The following CLK3 variants were observed in gnomAD, a reference collection of about 807,000 sequenced individuals.
The protein encoded by CLK3 is CDC like kinase 3.
A neutral mutation model predicts 65.2 loss-of-function variants in CLK3; 24 were observed. The observed-to-expected ratio is 0.37, with a 90% CI of 0.27 to 0.52. The LOEUF is 0.52. Ranked by LOEUF, CLK3 falls within the 20% of genes least tolerant of loss-of-function variation. The pLI, the probability that CLK3 is intolerant of heterozygous loss-of-function variation, is 0.92. For missense variants in CLK3, 506 were observed against 660.0 expected (o/e 0.77, Z 2.56); for synonymous variants, 252 against 240.8 (o/e 1.05, Z -0.43).
In CLK3 at chr15:74,615,837, G is replaced by A; in HGVS notation, c.-62G>A. 1 of 1,249,886 alleles carries A rather than the reference G, an allele frequency of 8.0e-7. No homozygotes were observed. The highest frequency in any genetic ancestry group is 1.0e-6 in the Non-Finnish European group (1 of 997,036). 77.4% of individuals were successfully genotyped at this position (1,249,886 alleles called of 1,614,324 possible). The stretch of plus-strand genomic sequence containing the variant: ...CTGCCACGGGCGGAGGTCGCAGCCG[G>A]AAGCGGAAGAGGCGCTCGGAGCGGG... On this transcript the variant is annotated 5_prime_UTR_variant, in exon 1 of 13. Coordinates refer to ENST00000395066, the MANE Select transcript of CLK3 (RefSeq NM_001130028.2).
chr15:74,622,441 C>T lies in CLK3; in HGVS notation c.467-53C>T. 1 of 1,379,342 alleles carries T rather than the reference C, an allele frequency of 7.2e-7. No homozygotes were observed. The highest frequency in any genetic ancestry group is 1.0e-6 in the Non-Finnish European group (1 of 987,298). The allele number at this position is 1,379,342 out of a possible 1,614,324, so 85.4% of individuals were successfully genotyped here. ...TTTGAATGCTGTGAACTTGCAGGAG[C>T]TGCCAACCCCCTGCCCTCCAGATTC... On this transcript the variant is annotated intron_variant, in intron 4 of 12. Transcript: ENST00000395066. The surrounding 1 kb of genome is among the most constrained non-coding windows in gnomAD (Gnocchi z 4.6).
intron 1 of CLK3, among the ~76,000 whole-genome samples, chr15:74,610,258 G>C (rs1216405190): frequency 6.6e-6 from 1 of 152,220 alleles, no homozygotes; most frequent in Non-Finnish European, 1.5e-5. Context: ...TGGTCTGCCT[G>C]TTCCCTGCCA....
chr15:74,614,904 A>G (rs562412335), upstream of CLK3: 123 of 152,568 alleles, frequency 8.1e-4, no homozygotes, highest in African/African-American at 2.9e-3. Flanking sequence ...CTGTCGCTTC[A>G]CTGCGCGACG....
chr15:74,616,001 T>C, intron 1 of CLK3, 103 bp downstream of exon 1: 2 of 898,564 alleles, frequency 2.2e-6, no homozygotes, highest in South Asian at 5.3e-5. Flanking sequence ...GCCTACTCCC[T>C]TTCTTTCTCC....
rs769055439 is a variant in CLK3, at chr15:74,621,483, G to C, written c.370-637G>C. On this transcript the variant is annotated intron_variant, in intron 3 of 12. Coordinates refer to ENST00000395066, the MANE Select transcript of CLK3 (RefSeq NM_001130028.2). The surrounding 1 kb of genome is among the most constrained non-coding windows in gnomAD (Gnocchi z 4.8). Reference sequence around the variant, plus strand: ...ACGGAAGGCTGTTTCTGGTAGTGATGGTGAAATCTGGCCAAGGATGCCGTC... The same window carrying C: ...ACGGAAGGCTGTTTCTGGTAGTGATCGTGAAATCTGGCCAAGGATGCCGTC... The C allele has an allele frequency of 2.4e-5, 4 of 165,162 alleles. No individual in the cohort carries two copies. Among genetic ancestry groups the C allele is most frequent in the Non-Finnish European group, 2.7e-5 (2 of 74,888 alleles). The allele number at this position is 165,162 out of a possible 1,614,324, so 10.2% of individuals were successfully genotyped here. A position where few individuals can be genotyped will look rare whatever the true frequency, so the allele number is the denominator to read the frequency against.
chr15:74,610,874 G>A (rs1022714104), upstream of CLK3, among the ~76,000 whole-genome samples: 23 of 152,218 alleles, frequency 1.5e-4, no homozygotes, highest in African/African-American at 3.4e-4. Context: ...GAAGGCTTGC[G>A]TAACTGGGCC....
rs1596288094 is a variant in CLK3, at chr15:74,621,519, T to C, written c.370-601T>C. The C allele has an allele frequency of 6.1e-6, 1 of 165,094 alleles. No homozygotes were observed. The highest frequency in any genetic ancestry group is 1.7e-4 in the East Asian group (1 of 5,920). 10.2% of individuals were successfully genotyped at this position (165,094 alleles called of 1,614,324 possible). On this transcript the variant is annotated intron_variant, in intron 3 of 12. Transcript: ENST00000395066. This position sits in a 1 kb window ranked among gnomAD's most constrained non-coding sequence, Gnocchi z 4.8. ...GCCAAGGATGCCGTCTGGAGGCAGG[T>C]AGCAGCTTGGCTGTGAGTGGCAGCT...
chr15:74,629,572 G>A (rs1486473356), intron 12 of CLK3, 135 bp from the exon 13 acceptor site: 7 of 640,168 alleles, frequency 1.1e-5, no homozygotes, highest in African/African-American at 3.7e-5. Context: ...GTCCAGGAGG[G>A]CGGAAGTAGA....
chr15:74,610,734 G>A (rs556228799), intron 1 of CLK3, among the ~76,000 whole-genome samples: 90 of 152,364 alleles, frequency 5.9e-4, no homozygotes, highest in Non-Finnish European at 1.1e-3. Flanking sequence ...GTGGAGGCCA[G>A]CAGGACTGCT....
upstream of CLK3, chr15:74,613,623 A>T (rs1334426746): frequency 2.0e-5 from 3 of 152,162 alleles, no homozygotes; most frequent in Non-Finnish European, 4.4e-5. Flanking sequence ...AGTGGTGGGC[A>T]GTTTTGTGGG....
rs1567143308 is a variant in CLK3, at chr15:74,621,749, G to GGAC, written c.370-369_370-368insCGA. 1 of 352,382 alleles carries GGAC rather than the reference G, an allele frequency of 2.8e-6. No homozygotes were observed. The highest frequency in any genetic ancestry group is 2.3e-5 in the African/African-American group (1 of 43,984). The allele number at this position is 352,382 out of a possible 1,614,324, so 21.8% of individuals were successfully genotyped here. On this transcript the variant is annotated intron_variant, in intron 3 of 12. Transcript: ENST00000395066. This position sits in a 1 kb window ranked among gnomAD's most constrained non-coding sequence, Gnocchi z 4.8. ...AGGGTCTGGGAGGGAGAGACTCGGA[G>GGAC]GAGGAGGAGGAGGGAGTCGGGGCGA...
rs1442182645 is a variant in CLK3, at chr15:74,615,918, C to CGCGGCGGCGACA, written c.-1+30_-1+41dup. 1.6e-6 allele frequency: 2 copies of CGCGGCGGCGACA among 1,243,170 alleles called. No homozygotes were observed. Among genetic ancestry groups the CGCGGCGGCGACA allele is most frequent in the Non-Finnish European group, 2.0e-6 (2 of 994,028 alleles). The allele number at this position is 1,243,170 out of a possible 1,614,324, so 77.0% of individuals were successfully genotyped here. A position where few individuals can be genotyped will look rare whatever the true frequency, so the allele number is the denominator to read the frequency against. On this transcript the variant is annotated intron_variant, in intron 1 of 12. Transcript: ENST00000395066. ...GAGACGGTAAGTGTGGGCTGGGGTC[C>CGCGGCGGCGACA]GCGGCGGCGACAGCGGCGGCGGCGG... is the stretch of plus-strand genomic sequence containing the variant.
upstream of CLK3, among the ~76,000 whole-genome samples, chr15:74,611,520 G>T (rs2061990151): frequency 6.6e-6 from 1 of 152,258 alleles, no homozygotes; most frequent in African/African-American, 2.4e-5. Context: ...TGCCAGCTCG[G>T]CCCTCTGCTG....
intron 12 of CLK3, chr15:74,629,308 CCT>C (rs141351759): frequency 0.012 from 6,812 of 557,334 alleles, 387 homozygotes; most frequent in African/African-American, 0.12. Flanking sequence ...GCTTCCTGTC[CCT>C]CTCTCTCCTC....
chr15:74,621,174 CTG>C lies in CLK3; in HGVS notation c.370-943_370-942del, dbSNP rs1039736762. On this transcript the variant is annotated intron_variant, in intron 3 of 12. Transcript: ENST00000395066. The surrounding 1 kb of genome is among the most constrained non-coding windows in gnomAD (Gnocchi z 4.8). Reference sequence around the variant, plus strand: ...TGAGTGGCTACAGGTTGAGGGTTGACTGTGCGGGCGATTGCAGCGTGGCCCTT... The same window carrying C: ...TGAGTGGCTACAGGTTGAGGGTTGACTGCGGGCGATTGCAGCGTGGCCCTT... The C allele has an allele frequency of 1.2e-4, 19 of 152,738 alleles. No homozygotes were observed. The highest frequency in any genetic ancestry group is 3.4e-4 in the African/African-American group (14 of 41,608). 9.5% of individuals were successfully genotyped at this position (152,738 alleles called of 1,614,324 possible).
chr15:74,616,130 C>T (rs1029770792), intron 1 of CLK3, among the ~76,000 whole-genome samples: 1 of 152,270 alleles, frequency 6.6e-6, no homozygotes, highest in East Asian at 1.9e-4. Flanking sequence ...CCTGAACGGC[C>T]TCTGGGGCCG....
At chr15:74,619,909 G>T in intron 2 of CLK3, 100 bp from the exon 3 acceptor site, 1 of 1,559,686 alleles carries the variant, frequency 6.4e-7, no homozygotes, top group East Asian at 2.3e-5. Flanking sequence ...TTTAGCACAG[G>T]CTGTCCCCCT....
At chr15:74,629,444 C>G in intron 12 of CLK3, 1 of 560,846 alleles carries the variant, frequency 1.8e-6, no homozygotes, top group South Asian at 2.0e-5. Flanking sequence ...GTGATCTCTA[C>G]CCACCTGTCA....
In CLK3 at chr15:74,627,475, G is replaced by C; in HGVS notation, c.912+29G>C. ...TTGGTGGGGGTAAGGGTGAGGCCCT[G>C]TTTCAGGGGTGGGTTACCCGCTGGT... On this transcript the variant is annotated intron_variant, in intron 8 of 12. Coordinates refer to ENST00000395066, the MANE Select transcript of CLK3 (RefSeq NM_001130028.2). This position sits in a 1 kb window ranked among gnomAD's most constrained non-coding sequence, Gnocchi z 4.3. 6.2e-7 allele frequency: 1 copy of C among 1,614,196 alleles called. No homozygotes were observed. The highest frequency in any genetic ancestry group is 8.5e-7 in the Non-Finnish European group (1 of 1,179,996).
Sources: allele counts gnomAD v4.1 joint callset (sites outside exome capture counted in the v4.1 genomes callset), GRCh38; gene constraint gnomAD v4.1.1; non-coding constraint Gnocchi (gnomAD v3.1); transcripts MANE v1.5; gene names NCBI Gene and HGNC (gene_info 2026-07-23, HGNC 2026-07-21).